The following KIF23 variants were observed in gnomAD, a reference collection of about 807,000 sequenced individuals.
KIF23 encodes the protein kinesin family member 23, also known as kinesin-like protein KIF23.
Under a neutral mutation model 137.5 loss-of-function variants are expected in KIF23, and 30 were observed. The observed-to-expected ratio is 0.22, with a 90% CI of 0.16 to 0.30. The LOEUF (loss-of-function observed/expected upper bound fraction) is 0.30, where lower values mean the gene tolerates loss of function less well. Ranked by LOEUF, KIF23 falls within the 10% of genes least tolerant of loss-of-function variation. The pLI is 1.00. For synonymous variants in KIF23, 367 were observed against 391.1 expected (o/e 0.94, Z 0.73); for missense variants, 920 against 1,194.3 (o/e 0.77, Z 3.38).
At chr15:69,433,257 A>G (rs542187442) in intron 11 of KIF23, among the ~76,000 whole-genome samples, 46 of 152,352 alleles carry the variant, frequency 3.0e-4, no homozygotes, top group Middle Eastern at 6.8e-3. Context: ...AGATCCTCCA[A>G]GGAGGCCAAG....
intron 6 of KIF23, 126 bp downstream of exon 6, chr15:69,422,561 G>A: frequency 6.3e-6 from 4 of 635,126 alleles, no homozygotes; most frequent in South Asian, 3.9e-5. Context: ...TAAAGTTAAG[G>A]AATGTTCTTA....
At chr15:69,436,331 A>C (rs2057479471) in intron 14 of KIF23, 70 bp downstream of exon 14, 1 of 1,475,112 alleles carries the variant, frequency 6.8e-7, no homozygotes, top group Non-Finnish European at 8.9e-7. Flanking sequence ...AAAAAAAATT[A>C]TTTCATTTAA....
chr15:69,427,444 C>T (rs1259187885), intron 10 of KIF23: 2 of 455,844 alleles, frequency 4.4e-6, no homozygotes, highest in African/African-American at 4.0e-5. Context: ...TTAAAAATCC[C>T]TTTGGTAGAA....
rs182629360 is a variant in KIF23 at position 69,427,489 on chromosome 15, C to T, written c.1011+1032C>T. The T allele has an allele frequency of 2.6e-5, 12 of 452,898 alleles. No homozygotes were observed. In the East Asian group the frequency reaches 6.3e-4, roughly 24 times the overall value. 28.1% of individuals were successfully genotyped at this position (452,898 alleles called of 1,614,324 possible). ...TAAGACTGTGATTTTTTCTCTCTGG[C>T]GACTCCTTCTGTAAGTGGAAATTCA... On this transcript the variant is annotated intron_variant, in intron 10 of 23. Transcript: ENST00000679126.
At chr15:69,439,116 C>G (rs1417791959) in intron 16 of KIF23, among the ~76,000 whole-genome samples, 1 of 151,280 alleles carries the variant, frequency 6.6e-6, no homozygotes, top group Non-Finnish European at 1.5e-5. Flanking sequence ...AAAAAAAGTT[C>G]TCAATTGGTT....
Position 69,421,985 on chromosome 15 carries a change from A to G in KIF23, c.317-7A>G. 2.5e-6 allele frequency: 4 copies of G among 1,613,402 alleles called. No individual in the cohort carries two copies. The highest frequency in any genetic ancestry group is 2.5e-6 in the Non-Finnish European group (3 of 1,179,744). ...GATATAACTCATTGTGACTTGCTAC[A>G]CTGTAGGTCTTCTTTTTACATATGG... On this transcript the variant is annotated splice_region_variant and splice_polypyrimidine_tract_variant and intron_variant, in intron 4 of 23. Coordinates refer to ENST00000679126, the MANE Select transcript of KIF23 (RefSeq NM_001367805.3).
intron 14 of KIF23, 139 bp downstream of exon 14, chr15:69,436,400 A>G: frequency 7.8e-7 from 1 of 1,275,380 alleles, no homozygotes; most frequent in Non-Finnish European, 1.1e-6. Flanking sequence ...ACAAAATTTA[A>G]ATGAGCTTAT....
At chr15:69,431,825 A>G (rs1379848029) in intron 11 of KIF23, among the ~76,000 whole-genome samples, 2 of 152,210 alleles carry the variant, frequency 1.3e-5, no homozygotes, top group Admixed American at 6.5e-5. Flanking sequence ...GTACATTAGA[A>G]GATAGTAAAG....
intron 2 of KIF23, among the ~76,000 whole-genome samples, chr15:69,416,961 A>ATAAG (rs1335807325): frequency 1.3e-5 from 2 of 151,594 alleles, no homozygotes; most frequent in Non-Finnish European, 2.9e-5. Flanking sequence ...AAATAAATAA[A>ATAAG]TAAATAAAAA....
At chr15:69,431,015 T>C (rs926970077) in intron 11 of KIF23, among the ~76,000 whole-genome samples, 1 of 152,074 alleles carries the variant, frequency 6.6e-6, no homozygotes, top group Admixed American at 6.5e-5. Flanking sequence ...AGAGAAATAA[T>C]TTACCAGGAG....
In KIF23 at chr15:69,447,848, GGAT is replaced by G. The variant is rs779472548; in HGVS notation, c.*45_*47del. ...ACTGAAAGAACATTTTCATTTGTGT[GGAT>G]GATTTCTCGAAAGCCATGCCAGAAG... On this transcript the variant is annotated 3_prime_UTR_variant, in exon 24 of 24. Transcript: ENST00000679126. 1 of 1,594,518 alleles carries G rather than the reference GGAT, an allele frequency of 6.3e-7. No homozygotes were observed. The highest frequency in any genetic ancestry group is 1.1e-5 in the South Asian group (1 of 88,632).
intron 23 of KIF23, among the ~76,000 whole-genome samples, chr15:69,447,516 T>C (rs943024494): frequency 1.3e-5 from 2 of 152,186 alleles, no homozygotes; most frequent in Non-Finnish European, 2.9e-5. Context: ...TATATACATA[T>C]ATGTATATAA....
chr15:69,444,603 A>G lies in KIF23; in HGVS notation c.2422-187A>G. 3.3e-6 allele frequency: 2 copies of G among 604,134 alleles called. No individual in the cohort carries two copies. Among genetic ancestry groups the G allele is most frequent in the Non-Finnish European group, 5.6e-6 (2 of 355,194 alleles). The allele number at this position is 604,134 out of a possible 1,614,324, so 37.4% of individuals were successfully genotyped here. A position where few individuals can be genotyped will look rare whatever the true frequency, so the allele number is the denominator to read the frequency against. ...GAAACTCCCAGATAGAATGTGTAAC[A>G]TACAAGTTGGTGTTAAAGATGTTTG... On this transcript the variant is annotated intron_variant, in intron 19 of 23. Coordinates refer to ENST00000679126, the MANE Select transcript of KIF23 (RefSeq NM_001367805.3). The surrounding 1 kb of genome is among the most constrained non-coding windows in gnomAD (Gnocchi z 4.2).
Position 69,440,987 on chromosome 15 carries a change from G to C in KIF23, c.2329G>C (p.Asp777His). The change falls in exon 19 of 24, where the codon GAC (aspartate) becomes CAC (histidine). Residue 777 changes from aspartate (D) to histidine (H), a missense_variant. Physicochemically the swap from Asp to His is moderately conservative, Grantham distance 81. This residue lies in a region of KIF23 where 714 missense variants were observed against 866.2 expected (regional missense o/e 0.82). Transcript: ENST00000679126. The part of the protein sequence containing the change: ...PGQSKTCIVS[D>H]RRRGMYWTEG... ...ACAAAGCAAAACTTGTATCGTGTCA[G>C]ACAGAAGGCGAGGGATGTACTGGAC... The C allele has an allele frequency of 6.2e-7, 1 of 1,614,240 alleles. No individual in the cohort carries two copies. Among genetic ancestry groups the C allele is most frequent in the South Asian group, 1.1e-5 (1 of 91,078 alleles).
intron 18 of KIF23, 23 bp downstream of exon 18, chr15:69,440,510 G>C: frequency 6.3e-7 from 1 of 1,581,832 alleles, no homozygotes; most frequent in Non-Finnish European, 8.6e-7. Flanking sequence ...TAATTGTGTA[G>C]TAACTTTGTA....
chr15:69,418,695 T>C (rs2056978562), intron 3 of KIF23, among the ~76,000 whole-genome samples: 1 of 152,210 alleles, frequency 6.6e-6, no homozygotes, highest in Non-Finnish European at 1.5e-5. Flanking sequence ...TTTTTTATTT[T>C]TAATGCGTCA....
rs2057285823 is a variant in KIF23, at chr15:69,429,055, A to C, written c.1012-56A>C. Reference sequence around the variant, plus strand: ...CTTGTTGATATGAATCTATTTAAAGAACATTATAAACCAGTTATAACCCAT... The same window carrying C: ...CTTGTTGATATGAATCTATTTAAAGCACATTATAAACCAGTTATAACCCAT... On this transcript the variant is annotated intron_variant, in intron 10 of 23. Coordinates refer to ENST00000679126, the MANE Select transcript of KIF23 (RefSeq NM_001367805.3). 4 of 1,165,668 alleles carry C rather than the reference A, an allele frequency of 3.4e-6. No individual in the cohort carries two copies. The Admixed American group carries it at 6.1e-5, about 18-fold the overall frequency. The allele number at this position is 1,165,668 out of a possible 1,614,324, so 72.2% of individuals were successfully genotyped here. A position where few individuals can be genotyped will look rare whatever the true frequency, so the allele number is the denominator to read the frequency against.
intron 16 of KIF23, among the ~76,000 whole-genome samples, chr15:69,438,770 C>T (rs1240570921): frequency 6.6e-6 from 1 of 151,314 alleles, no homozygotes; most frequent in Non-Finnish European, 1.5e-5. Context: ...CACTGCACTC[C>T]AGCCTGGGCG....
chr15:69,436,196 A>G lies in KIF23; in HGVS notation c.1373A>G (p.Lys458Arg). 1 of 1,614,054 alleles carries G rather than the reference A, an allele frequency of 6.2e-7. No individual in the cohort carries two copies. ...GTTGAAGTAGCAAGACCTGTAGACA[A>G]GGCAATATGTGGTTTAACGCCTGGG... ...QEVEVARPVDKAICGLTPGRR... is the reference protein window; with the variant it reads ...QEVEVARPVDRAICGLTPGRR... Residue 458 changes from lysine to arginine, a missense_variant, in exon 14 of 24, where the codon AAG becomes AGG. Transcript: ENST00000679126.
Sources: gnomAD v4.1 joint callset for allele counts (sites outside exome capture counted in the v4.1 genomes callset) on GRCh38, gnomAD v4.1.1 for gene constraint, gnomAD v4.1.1 regional missense constraint, Gnocchi (gnomAD v3.1) non-coding constraint, MANE v1.5 for transcripts, NCBI Gene and HGNC (gene_info 2026-07-23, HGNC 2026-07-21) for gene names.